The following RYK variants were observed in gnomAD, a reference collection of about 807,000 sequenced individuals.
RYK encodes receptor like tyrosine kinase.
RYK carries 21 observed loss-of-function variants against 70.2 expected under a neutral mutation model. That is an observed-to-expected ratio of 0.30 (90% confidence interval 0.21 to 0.43). RYK has a LOEUF of 0.43. Ranked by LOEUF, RYK falls within the 20% of genes least tolerant of loss-of-function variation. RYK has a pLI of 1.00. For synonymous variants in RYK, 267 were observed against 278.0 expected, an observed-to-expected ratio of 0.96 and a Z score of 0.39; for missense variants, 604 against 753.3, an observed-to-expected ratio of 0.80 and a Z score of 2.32.
chr3:134,164,067 T>C (rs1384411717), intron 13 of RYK, among the ~76,000 whole-genome samples: 9 of 152,116 alleles, frequency 5.9e-5, no homozygotes, highest in African/African-American at 2.2e-4. Context: ...AACTCCTGGT[T>C]TCAAGTGATC....
chr3:134,169,590 A>C (rs1319915769), intron 13 of RYK, among the ~76,000 whole-genome samples: 1 of 152,202 alleles, frequency 6.6e-6, no homozygotes, highest in Non-Finnish European at 1.5e-5. Flanking sequence ...TTAACAGAAG[A>C]ATCTGGACAT....
chr3:134,222,290 C>T (rs2014763709), intron 2 of RYK, 128 bp downstream of exon 2: 3 of 940,536 alleles, frequency 3.2e-6, no homozygotes, highest in Admixed American at 5.0e-5. Context: ...TCTGAAAAGA[C>T]TCAGTACTAT....
intron 5 of RYK, among the ~76,000 whole-genome samples, chr3:134,204,593 A>C (rs1560015664): frequency 9.4e-6 from 1 of 106,736 alleles, no homozygotes; most frequent in Non-Finnish European, 2.0e-5. Flanking sequence ...AGCCACAGCC[A>C]CACACACACA....
chr3:134,247,610 G>A (rs549512578), intron 1 of RYK, among the ~76,000 whole-genome samples: 9 of 151,852 alleles, frequency 5.9e-5, no homozygotes, highest in Non-Finnish European at 1.2e-4. Flanking sequence ...GCTGAGGCAG[G>A]AGAATCGCTT....
At chr3:134,202,922 T>C (rs2014071494) in intron 5 of RYK, 48 bp from the exon 6 acceptor site, 2 of 1,523,952 alleles carry the variant, frequency 1.3e-6, no homozygotes, top group Non-Finnish European at 9.0e-7. Context: ...CAAATATGAC[T>C]GCTTTGTGAC....
At chr3:134,228,504 T>A (rs2014969650) in intron 1 of RYK, among the ~76,000 whole-genome samples, 1 of 152,220 alleles carries the variant, frequency 6.6e-6, no homozygotes, top group Non-Finnish European at 1.5e-5. Context: ...TGTAGTATTA[T>A]TCAACTTTTA....
intron 1 of RYK, among the ~76,000 whole-genome samples, chr3:134,236,001 C>T (rs1268756127): frequency 2.0e-5 from 3 of 151,600 alleles, no homozygotes; most frequent in Non-Finnish European, 4.4e-5. Flanking sequence ...CAATGAGTGC[C>T]TTATTTGGGA....
At chr3:134,223,064 T>C (rs755718479) in intron 1 of RYK, among the ~76,000 whole-genome samples, 10 of 152,158 alleles carry the variant, frequency 6.6e-5, no homozygotes, top group Non-Finnish European at 1.2e-4. Flanking sequence ...TGGTACACAC[T>C]TGCACCAGGT....
chr3:134,159,502 CA>C (rs75582300), intron 13 of RYK, 129 bp from the exon 14 acceptor site: 5 of 814,894 alleles, frequency 6.1e-6, no homozygotes, highest in South Asian at 2.5e-5. Context: ...ATGTTATTTA[CA>C]AAAAAATGTC....
In RYK at chr3:134,209,361, A is replaced by G. The variant is rs549997326; in HGVS notation, c.589+334T>C. ...AATGCTTCTGCATAAAAGTAACTTG[A>G]TAAGGGAAACACAGTTAACATAGTT... On this transcript the variant is annotated intron_variant, in intron 4 of 14. Coordinates refer to ENST00000623711, the MANE Select transcript of RYK (RefSeq NM_002958.4). 1.2e-4 allele frequency among the ~76,000 whole-genome samples: 18 copies of G among 152,330 alleles called. No individual in the cohort carries two copies. In the South Asian group the frequency reaches 3.7e-3, roughly 32 times the overall value.
At chr3:134,176,074 G>A (rs941437224) in intron 11 of RYK, 35 bp from the exon 12 acceptor site, 1 of 1,242,822 alleles carries the variant, frequency 8.0e-7, no homozygotes, top group Admixed American at 2.0e-5. Flanking sequence ...TTTGCAAATA[G>A]CACACAAATA....
At chr3:134,198,384 C>G (rs2107672355) in intron 6 of RYK, among the ~76,000 whole-genome samples, 1 of 152,326 alleles carries the variant, frequency 6.6e-6, no homozygotes, top group East Asian at 1.9e-4. Context: ...TATTAAGTAT[C>G]TACTACATGT....
intron 7 of RYK, 115 bp from the exon 8 acceptor site, chr3:134,192,089 A>G: frequency 6.9e-6 from 7 of 1,008,400 alleles, no homozygotes; most frequent in South Asian, 6.3e-5. Context: ...TGTAAGAATC[A>G]TAAAAGGAAA....
chr3:134,194,785 TCTTC>T (rs2013761681), intron 7 of RYK, among the ~76,000 whole-genome samples: 1 of 152,178 alleles, frequency 6.6e-6, no homozygotes, highest in African/African-American at 2.4e-5. Flanking sequence ...ACCTGAAAAA[TCTTC>T]CTTTTGAATT....
intron 7 of RYK, among the ~76,000 whole-genome samples, chr3:134,192,916 G>A (rs945932446): frequency 6.6e-6 from 1 of 152,146 alleles, no homozygotes; most frequent in Non-Finnish European, 1.5e-5. Flanking sequence ...TCTACCTGGA[G>A]TTCTCTTAGT....
intron 8 of RYK, among the ~76,000 whole-genome samples, chr3:134,189,179 C>G (rs2013565642): frequency 6.6e-6 from 1 of 152,120 alleles, no homozygotes; most frequent in African/African-American, 2.4e-5. Context: ...CTGAATTATA[C>G]TAAATAAACT....
At chr3:134,216,780 G>A (rs1198503396) in intron 2 of RYK, among the ~76,000 whole-genome samples, 9 of 97,186 alleles carry the variant, frequency 9.3e-5, no homozygotes, top group East Asian at 3.4e-4. Context: ...GCGACAGAGT[G>A]AGACTCTGTC....
intron 1 of RYK, among the ~76,000 whole-genome samples, chr3:134,231,880 T>C (rs1381303044): frequency 1.3e-5 from 2 of 152,230 alleles, no homozygotes; most frequent in African/African-American, 4.8e-5. Flanking sequence ...CTGGGACCAG[T>C]TTATACAAGT....
intron 1 of RYK, among the ~76,000 whole-genome samples, chr3:134,249,862 T>C (rs1346849725): frequency 6.7e-6 from 1 of 150,062 alleles, no homozygotes; most frequent in African/African-American, 2.5e-5. Flanking sequence ...GTCCCAAGAG[T>C]TGGAGGCTGC....
Sources: allele counts gnomAD v4.1 joint callset (sites outside exome capture counted in the v4.1 genomes callset), GRCh38; gene constraint gnomAD v4.1.1; transcripts MANE v1.5; gene names NCBI Gene and HGNC (gene_info 2026-07-23, HGNC 2026-07-21).